Variants in TBC1D5 observed in about 807,000 individuals in gnomAD.
TBC1D5 encodes TBC1 domain family member 5, also known as TBC1 domain family, member 5.
TBC1D5 carries 75 observed loss-of-function variants against 100.3 expected under a neutral mutation model. The observed-to-expected ratio is 0.75, with a 90% CI of 0.62 to 0.91. TBC1D5 has a LOEUF of 0.91. TBC1D5 is among the 40% of genes least tolerant of loss of function. The pLI is 0.00. For synonymous variants in TBC1D5, 323 were observed against 325.6 expected, an observed-to-expected ratio of 0.99 and a Z score of 0.09; for missense variants, 910 against 942.4, an observed-to-expected ratio of 0.97 and a Z score of 0.45.
intron 1 of TBC1D5, among the ~76,000 whole-genome samples, chr3:17,650,132 G>C (rs901103385): frequency 2.0e-5 from 3 of 151,952 alleles, no homozygotes; most frequent in African/African-American, 4.8e-5. Context: ...TCACACACCG[G>C]GGCCTCTTGC....
At chr3:17,504,226 T>G (rs1461218318) in intron 3 of TBC1D5, among the ~76,000 whole-genome samples, 2 of 149,356 alleles carry the variant, frequency 1.3e-5, no homozygotes, top group Non-Finnish European at 3.0e-5. Flanking sequence ...TACCTCCACT[T>G]ATGAGAACAC....
At chr3:17,274,281 A>G (rs78584180) in intron 15 of TBC1D5, among the ~76,000 whole-genome samples, 3,053 of 152,328 alleles carry the variant, frequency 0.02, 45 homozygotes, top group Non-Finnish European at 0.032. Flanking sequence ...TTTTGAATGA[A>G]TATGTCCTAA....
chr3:17,249,696 T>C (rs2077027695), intron 16 of TBC1D5, among the ~76,000 whole-genome samples: 1 of 152,192 alleles, frequency 6.6e-6, no homozygotes. Context: ...CAGCCTCAGG[T>C]ATTTCTTTAT....
At chr3:17,681,170 C>T (rs550970100) in intron 1 of TBC1D5, among the ~76,000 whole-genome samples, 3 of 151,522 alleles carry the variant, frequency 2.0e-5, no homozygotes, top group Non-Finnish European at 4.4e-5. Context: ...GGCTTCATAC[C>T]GTAACTAACT....
Position 17,452,967 on chromosome 3 carries a change from A to G in TBC1D5, c.98-24448T>C, listed in dbSNP as rs146797885. On this transcript the variant is annotated intron_variant, in intron 3 of 21. Coordinates refer to ENST00000253692, the Ensembl canonical transcript of TBC1D5. ...AAAAATACTATCAAGCATCTTCTCT[A>G]ACCACAATGGAATAAAACTACAAAT... is the stretch of plus-strand genomic sequence containing the variant. Among the ~76,000 whole-genome samples, 33 of 152,128 alleles carry G rather than the reference A, an allele frequency of 2.2e-4. No individual in the cohort carries two copies. The East Asian group carries it at 6.2e-3, about 28-fold the overall frequency.
chr3:17,212,857 A>G (rs988467350), intron 18 of TBC1D5, among the ~76,000 whole-genome samples: 10 of 152,210 alleles, frequency 6.6e-5, no homozygotes, highest in Non-Finnish European at 7.3e-5. Context: ...AAATTAAAAA[A>G]ATAAAAGTTT....
intron 13 of TBC1D5, among the ~76,000 whole-genome samples, chr3:17,369,091 T>A (rs1005198848): frequency 3.9e-5 from 6 of 152,284 alleles, no homozygotes; most frequent in Non-Finnish European, 5.9e-5. Context: ...TTCTAGAACA[T>A]AAAATTATTC....
chr3:17,535,631 A>AT (rs2096274192), intron 2 of TBC1D5, among the ~76,000 whole-genome samples: 2 of 152,242 alleles, frequency 1.3e-5, no homozygotes, highest in African/African-American at 2.4e-5. Flanking sequence ...CCAAGAGAAC[A>AT]TTTTTTGTTC....
At chr3:17,507,979 T>C (rs2095861175) in intron 3 of TBC1D5, among the ~76,000 whole-genome samples, 1 of 151,486 alleles carries the variant, frequency 6.6e-6, no homozygotes, top group South Asian at 2.1e-4. Flanking sequence ...TTTCAGTGTA[T>C]AGATCTTTTA....
chr3:17,742,496 G>C (rs1264600368), upstream of TBC1D5: 1 of 152,612 alleles, frequency 6.6e-6, no homozygotes, highest in Non-Finnish European at 1.5e-5. Flanking sequence ...GCGCAGAAGG[G>C]CTCCCCAGCT....
At chr3:17,591,272 A>AAAAAAAAAAAAAAAAAAAAAAAAAAAAC (rs2096769889) in intron 2 of TBC1D5, among the ~76,000 whole-genome samples, 1 of 143,756 alleles carries the variant, frequency 7.0e-6, no homozygotes, top group African/African-American at 2.6e-5. Flanking sequence ...AAAAACAAAA[A>AAAAAAAAAAAAAAAAAAAAAAAAAAAAC]CCCCAGAGAA....
At chr3:17,185,063 A>T in intron 19 of TBC1D5, 46 bp downstream of exon 20, 1 of 1,553,050 alleles carries the variant, frequency 6.4e-7, no homozygotes, top group South Asian at 1.1e-5. Context: ...AGTGGCTATT[A>T]TTGTGATGAG....
rs186437440 is a variant in TBC1D5 at position 17,460,259 on chromosome 3, G to T, written c.98-31740C>A. ...CCTGGGAATTCACAGCTTCAGAAGA[G>T]AAATTGATAAGGAAAATGCCAAATT... On this transcript the variant is annotated intron_variant, in intron 3 of 21. Coordinates refer to ENST00000253692, the Ensembl canonical transcript of TBC1D5. 2.6e-3 allele frequency among the ~76,000 whole-genome samples: 397 copies of T among 152,264 alleles called. 3 individuals carry two copies. Among genetic ancestry groups the T allele is most frequent in the Admixed American group, 6.1e-3 (93 of 15,298 alleles).
chr3:17,594,867 G>A (rs1439857422), intron 2 of TBC1D5, among the ~76,000 whole-genome samples: 1 of 152,128 alleles, frequency 6.6e-6, no homozygotes, highest in Non-Finnish European at 1.5e-5. Flanking sequence ...AATACGGAGT[G>A]TCAACTTGAT....
intron 4 of TBC1D5, among the ~76,000 whole-genome samples, chr3:17,421,298 A>T (rs2094201432): frequency 6.6e-6 from 1 of 152,210 alleles, no homozygotes; most frequent in Admixed American, 6.6e-5. Context: ...TAAAAAACAA[A>T]AAGGCTATAC....
chr3:17,685,375 TTAA>T (rs1214389947), intron 1 of TBC1D5, among the ~76,000 whole-genome samples: 1 of 152,120 alleles, frequency 6.6e-6, no homozygotes, highest in African/African-American at 2.4e-5. Flanking sequence ...TGAAGATGTA[TTAA>T]TAATTCATCA....
chr3:17,315,462 C>A (rs17043366), intron 13 of TBC1D5, among the ~76,000 whole-genome samples: 4,360 of 152,234 alleles, frequency 0.029, 209 homozygotes, highest in African/African-American at 0.098. Flanking sequence ...ATTTTGTGTT[C>A]CTCTATTCTG....
At chr3:17,464,189 A>T (rs1249996477) in intron 3 of TBC1D5, among the ~76,000 whole-genome samples, 1 of 151,768 alleles carries the variant, frequency 6.6e-6, no homozygotes, top group East Asian at 1.9e-4. Flanking sequence ...GGTCAGGAAG[A>T]TCTCAGGTGA....
At chr3:17,552,144 C>G (rs2096479782) in intron 2 of TBC1D5, among the ~76,000 whole-genome samples, 1 of 151,384 alleles carries the variant, frequency 6.6e-6, no homozygotes, top group Admixed American at 6.6e-5. Flanking sequence ...ATATACAGAA[C>G]ATCAGTCCTT....
Sources: gnomAD v4.1 joint callset for allele counts (sites outside exome capture counted in the v4.1 genomes callset) on GRCh38, gnomAD v4.1.1 for gene constraint, MANE v1.5 for transcripts, NCBI Gene and HGNC (gene_info 2026-07-23, HGNC 2026-07-21) for gene names.